The following MGAT4C variants were observed in gnomAD, a reference collection of about 807,000 sequenced individuals.
MGAT4C encodes MGAT4 family member C, also known as alpha-1,3-mannosyl-glycoprotein 4-beta-N-acetylglucosaminyltransferase C.
A neutral mutation model predicts 40.1 loss-of-function variants in MGAT4C; 19 were observed. The ratio of observed to expected loss-of-function variants is 0.47; its 90% CI spans 0.33 to 0.70. The LOEUF (loss-of-function observed/expected upper bound fraction) is 0.70. Among genes scored for constraint, MGAT4C ranks in the 30% least tolerant of loss-of-function variants. The pLI is 0.02. For synonymous variants in MGAT4C, 181 were observed against 187.1 expected (o/e 0.97, Z 0.27); for missense variants, 491 against 563.2 (o/e 0.87, Z 1.30).
chr12:86,693,950 C>G (rs1950212597), intron 2 of MGAT4C, among the ~76,000 whole-genome samples: 1 of 152,122 alleles, frequency 6.6e-6, no homozygotes, highest in Admixed American at 6.5e-5. Context: ...TAATGACATT[C>G]ATTACCCGTC....
intron 1 of MGAT4C, among the ~76,000 whole-genome samples, chr12:86,064,989 C>T (rs922653796): frequency 6.6e-6 from 1 of 152,120 alleles, no homozygotes; most frequent in African/African-American, 2.4e-5. Context: ...TGGACACATA[C>T]ACCCTCCCAA....
At chr12:86,673,932 A>G (rs1251342730) in intron 2 of MGAT4C, among the ~76,000 whole-genome samples, 1 of 151,992 alleles carries the variant, frequency 6.6e-6, no homozygotes. Context: ...TATTTAAATC[A>G]CTCTGTACCT....
intron 2 of MGAT4C, among the ~76,000 whole-genome samples, chr12:86,502,073 T>C (rs987100294): frequency 2.0e-5 from 3 of 152,078 alleles, no homozygotes; most frequent in Admixed American, 6.6e-5. Context: ...TGAAACATAA[T>C]TCAACAAGAT....
At chr12:86,486,471 C>A (rs1306543046) in intron 2 of MGAT4C, among the ~76,000 whole-genome samples, 1 of 150,642 alleles carries the variant, frequency 6.6e-6, no homozygotes, top group African/African-American at 2.4e-5. Context: ...CTTGAGACCA[C>A]CAACAATCAA....
At chr12:86,563,053 C>T (rs1959943375) in intron 2 of MGAT4C, among the ~76,000 whole-genome samples, 1 of 152,070 alleles carries the variant, frequency 6.6e-6, no homozygotes, top group Non-Finnish European at 1.5e-5. Context: ...GAGGATTAGT[C>T]ACTTTAGACC....
intron 2 of MGAT4C, chr12:86,016,304 C>G (rs1197124674): frequency 1.3e-5 from 2 of 152,124 alleles, no homozygotes; most frequent in Non-Finnish European, 2.9e-5. Flanking sequence ...AATTTAAGAG[C>G]CAGAAGATTT....
At chr12:86,470,059 A>T (rs1022986230) in intron 2 of MGAT4C, among the ~76,000 whole-genome samples, 5 of 152,064 alleles carry the variant, frequency 3.3e-5, no homozygotes, top group Non-Finnish European at 7.4e-5. Flanking sequence ...CATTTTATTT[A>T]TTTATTTATC....
At chr12:86,574,508 T>C (rs1388399241) in intron 2 of MGAT4C, among the ~76,000 whole-genome samples, 1 of 151,772 alleles carries the variant, frequency 6.6e-6, no homozygotes, top group Non-Finnish European at 1.5e-5. Flanking sequence ...TTAGTTTTAG[T>C]CATTATATTT....
chr12:86,824,983 T>C (rs1430968165), intron 1 of MGAT4C, among the ~76,000 whole-genome samples: 2 of 151,308 alleles, frequency 1.3e-5, no homozygotes, highest in Admixed American at 1.3e-4. Context: ...ACAAGAAATA[T>C]TTTCATGAAC....
At chr12:86,184,481 T>G (rs1480592171) in intron 1 of MGAT4C, among the ~76,000 whole-genome samples, 1 of 152,088 alleles carries the variant, frequency 6.6e-6, no homozygotes, top group African/African-American at 2.4e-5. Context: ...TCCTTTGTCT[T>G]CTTTTCTCGA....
intron 2 of MGAT4C, among the ~76,000 whole-genome samples, chr12:86,562,409 G>A (rs1485967503): frequency 1.3e-5 from 2 of 152,086 alleles, no homozygotes; most frequent in Non-Finnish European, 2.9e-5. Context: ...TGATGATGCT[G>A]GGGGCGCTGA....
intron 1 of MGAT4C, among the ~76,000 whole-genome samples, chr12:86,065,260 A>C (rs1201771872): frequency 6.6e-6 from 1 of 152,210 alleles, no homozygotes; most frequent in Non-Finnish European, 1.5e-5. Context: ...CACAACAAAT[A>C]ACGAAAATTT....
intron 2 of MGAT4C, among the ~76,000 whole-genome samples, chr12:86,501,831 A>G (rs1958348894): frequency 6.6e-6 from 1 of 152,080 alleles, no homozygotes; most frequent in African/African-American, 2.4e-5. Flanking sequence ...TTATAACAGA[A>G]TGATTTATAT....
intron 2 of MGAT4C, among the ~76,000 whole-genome samples, chr12:86,467,737 T>G (rs146493162): frequency 1.3e-5 from 2 of 152,258 alleles, no homozygotes; most frequent in East Asian, 3.9e-4. Flanking sequence ...GAAAACAGCT[T>G]TCTCTTCAAT....
chr12:86,117,587 C>A (rs1878639721), intron 1 of MGAT4C, among the ~76,000 whole-genome samples: 2 of 152,040 alleles, frequency 1.3e-5, no homozygotes, highest in African/African-American at 4.8e-5. Flanking sequence ...AATGAAGAAC[C>A]ATCATCACTC....
chr12:86,029,113 G>A (rs1218327262), intron 2 of MGAT4C, among the ~76,000 whole-genome samples: 1 of 151,886 alleles, frequency 6.6e-6, no homozygotes, highest in African/African-American at 2.4e-5. Flanking sequence ...AAAGCCTGAT[G>A]ATCTCCGATA....
At chr12:86,024,982 G>A (rs1234927256) in intron 2 of MGAT4C, among the ~76,000 whole-genome samples, 2 of 150,776 alleles carry the variant, frequency 1.3e-5, no homozygotes, top group Non-Finnish European at 3.0e-5. Flanking sequence ...TGACAATCTT[G>A]ATTCATTTGG....
intron 2 of MGAT4C, among the ~76,000 whole-genome samples, chr12:86,486,134 TA>T (rs1373718599): frequency 1.3e-5 from 2 of 152,138 alleles, no homozygotes; most frequent in Admixed American, 1.3e-4. Context: ...ATAGCTCTTC[TA>T]TTAAGTAATT....
At chr12:86,263,782 A>G (rs7956420) in intron 4 of MGAT4C, among the ~76,000 whole-genome samples, 1,584 of 152,272 alleles carry the variant, frequency 0.01, 26 homozygotes, top group African/African-American at 0.037. Context: ...ACTAATTTAC[A>G]TTCCCACCAA....
Sources: gnomAD v4.1 joint callset for allele counts (sites outside exome capture counted in the v4.1 genomes callset) on GRCh38, gnomAD v4.1.1 for gene constraint, MANE v1.5 for transcripts, NCBI Gene and HGNC (gene_info 2026-07-23, HGNC 2026-07-21) for gene names.